The following CCSER1 variants were observed in gnomAD, a reference collection of about 807,000 sequenced individuals.
CCSER1 encodes the protein serine-rich coiled-coil domain-containing protein 1.
In CCSER1, 41 loss-of-function variants were observed where a neutral mutation model predicts 82.0. That is an observed-to-expected ratio of 0.50 (90% CI 0.39 to 0.65). CCSER1 has a LOEUF of 0.65. CCSER1 is among the 30% of genes least tolerant of loss of function. The pLI is 0.00. For missense variants in CCSER1, 1,119 were observed against 1,064.2 expected (o/e 1.05, Z -0.72); for synonymous variants, 414 against 383.9 (o/e 1.08, Z -0.92).
chr4:90,496,303 T>C (rs1001741075), intron 5 of CCSER1, among the ~76,000 whole-genome samples: 3 of 152,124 alleles, frequency 2.0e-5, no homozygotes, highest in Non-Finnish European at 4.4e-5. Flanking sequence ...TATTTAAAAA[T>C]AGAAAATAGA....
intron 10 of CCSER1, among the ~76,000 whole-genome samples, chr4:91,130,283 C>A (rs1727884786): frequency 6.6e-6 from 1 of 151,792 alleles, no homozygotes; most frequent in Non-Finnish European, 1.5e-5. Context: ...GTTTCAGGAG[C>A]AAAGTATAGC....
intron 10 of CCSER1, among the ~76,000 whole-genome samples, chr4:91,411,903 A>G (rs1753073678): frequency 6.6e-6 from 1 of 151,968 alleles, no homozygotes; most frequent in Non-Finnish European, 1.5e-5. Flanking sequence ...CTTAAAATAC[A>G]TAGATTATCA....
At chr4:90,192,922 A>C (rs1735925444) in intron 1 of CCSER1, among the ~76,000 whole-genome samples, 1 of 152,080 alleles carries the variant, frequency 6.6e-6, no homozygotes, top group Non-Finnish European at 1.5e-5. Context: ...GGAACAAAAA[A>C]CAATTTTTCT....
At chr4:90,505,343 A>G (rs1487467012) in intron 5 of CCSER1, among the ~76,000 whole-genome samples, 5 of 152,202 alleles carry the variant, frequency 3.3e-5, no homozygotes, top group African/African-American at 1.2e-4. Flanking sequence ...TCTGTCCAAA[A>G]TAAAGAATGT....
rs183086665 is a variant in CCSER1 at position 91,467,198 on chromosome 4, A to G, written c.2218-131374A>G. ...ACAGAACAGAGCCCTCAGAAATAAT[A>G]CCACACATCTACAACCATCTTTGAC... is the stretch of plus-strand genomic sequence containing the variant. On this transcript the variant is annotated intron_variant, in intron 10 of 10. Coordinates refer to ENST00000509176, the MANE Select transcript of CCSER1 (RefSeq NM_001145065.2). 9.7e-3 allele frequency among the ~76,000 whole-genome samples: 1,477 copies of G among 152,204 alleles called. 9 individuals are homozygous for G. The highest frequency in any genetic ancestry group is 0.02 in the Middle Eastern group (6 of 294).
intron 9 of CCSER1, among the ~76,000 whole-genome samples, chr4:90,974,015 C>T (rs79871798): frequency 6.6e-6 from 1 of 151,468 alleles, no homozygotes; most frequent in Non-Finnish European, 1.5e-5. Context: ...AAATCACGAT[C>T]TCATAAAAGC....
At chr4:91,416,923 C>G (rs1297329900) in intron 10 of CCSER1, among the ~76,000 whole-genome samples, 2 of 152,064 alleles carry the variant, frequency 1.3e-5, no homozygotes, top group African/African-American at 4.8e-5. Flanking sequence ...AGAAAACCTA[C>G]AAAATGGGAG....
In CCSER1 at chr4:91,602,630, ACTTT is replaced by A. The variant is rs1340274199; in HGVS notation, c.*3574_*3577del. Among the ~76,000 whole-genome samples, 1 of 152,024 alleles carries A rather than the reference ACTTT, an allele frequency of 6.6e-6. No homozygotes were observed. The highest frequency in any genetic ancestry group is 1.5e-5 in the Non-Finnish European group (1 of 67,938). On this transcript the variant is annotated 3_prime_UTR_variant, in exon 11 of 11. Coordinates refer to ENST00000509176, the MANE Select transcript of CCSER1 (RefSeq NM_001145065.2). ...CATAATTATAATCTAAATTTTTACT[ACTTT>A]TTCACTTTCAGAACTTAACATTCTA...
At chr4:90,876,673 A>G (rs1403900195) in intron 8 of CCSER1, among the ~76,000 whole-genome samples, 1 of 152,082 alleles carries the variant, frequency 6.6e-6, no homozygotes, top group Admixed American at 6.6e-5. Context: ...AATCCCATTC[A>G]TATATCATTA....
chr4:91,346,912 A>C (rs1748100918), intron 10 of CCSER1, among the ~76,000 whole-genome samples: 1 of 151,964 alleles, frequency 6.6e-6, no homozygotes, highest in African/African-American at 2.4e-5. Flanking sequence ...TTGAAAATAT[A>C]TTTTCCTAGT....
chr4:90,468,155 A>G (rs1409129652), intron 4 of CCSER1, 79 bp from the exon 5 acceptor site: 3 of 1,221,504 alleles, frequency 2.5e-6, no homozygotes, highest in Admixed American at 2.8e-5. Flanking sequence ...TAGACTAAAT[A>G]TAGAAAGGGG....
chr4:90,841,361 G>A (rs569785726), intron 8 of CCSER1, among the ~76,000 whole-genome samples: 8 of 151,970 alleles, frequency 5.3e-5, no homozygotes, highest in Admixed American at 3.3e-4. Flanking sequence ...GGTAGATCAC[G>A]AGGTGAGGAG....
At chr4:90,829,008 C>T (rs1339676136) in intron 8 of CCSER1, among the ~76,000 whole-genome samples, 1 of 151,892 alleles carries the variant, frequency 6.6e-6, no homozygotes, top group Admixed American at 6.6e-5. Flanking sequence ...ACCTAGGAAA[C>T]TTAAATGCAA....
At chr4:91,147,509 C>A (rs1172342389) in intron 10 of CCSER1, among the ~76,000 whole-genome samples, 1 of 152,216 alleles carries the variant, frequency 6.6e-6, no homozygotes, top group Non-Finnish European at 1.5e-5. Context: ...AGCACATGAA[C>A]CCACTCCACA....
At chr4:90,538,805 T>A in intron 5 of CCSER1, among the ~76,000 whole-genome samples, 1 of 152,108 alleles carries the variant, frequency 6.6e-6, no homozygotes, top group East Asian at 1.9e-4. Context: ...AATGAAATGC[T>A]ATCTTAATTA....
At chr4:90,203,888 C>G (rs1738248546) in intron 1 of CCSER1, among the ~76,000 whole-genome samples, 1 of 152,304 alleles carries the variant, frequency 6.6e-6, no homozygotes, top group Non-Finnish European at 1.5e-5. Context: ...ACCATTCTAA[C>G]TGGCACGAGA....
intron 6 of CCSER1, among the ~76,000 whole-genome samples, chr4:90,717,727 TATATATATATATACAC>T (rs1019020548): frequency 1.1e-4 from 5 of 47,144 alleles, no homozygotes; most frequent in East Asian, 7.7e-4. Context: ...TATGTGTGTT[TATATATATATATACAC>T]ATATATATAT....
intron 5 of CCSER1, among the ~76,000 whole-genome samples, chr4:90,554,073 T>C (rs527593157): frequency 6.6e-6 from 1 of 152,166 alleles, no homozygotes; most frequent in South Asian, 2.1e-4. Flanking sequence ...ATATAAATAA[T>C]AAAGGAACTG....
rs367984620 is a variant in CCSER1 at position 91,358,333 on chromosome 4, A to AT, written c.2218-240226dup. Among the ~76,000 whole-genome samples, 704 of 132,586 alleles carry AT rather than the reference A, an allele frequency of 5.3e-3. 5 individuals carry two copies. The highest frequency in any genetic ancestry group is 0.035 in the East Asian group (148 of 4,200). 87.0% of individuals were successfully genotyped at this position (132,586 alleles called of 152,430 possible). ...CCAGGCTTCCTCAATTCTTTCTTGA[A>AT]TTTTTTTTTTTTTAACATAGTTCCC... On this transcript the variant is annotated intron_variant, in intron 10 of 10. Transcript: ENST00000509176.
Sources: gnomAD v4.1 joint callset for allele counts (sites outside exome capture counted in the v4.1 genomes callset) on GRCh38, gnomAD v4.1.1 for gene constraint, MANE v1.5 for transcripts, NCBI Gene and HGNC (gene_info 2026-07-23, HGNC 2026-07-21) for gene names.